The following CABP1 variants were observed in gnomAD, a reference collection of about 807,000 sequenced individuals.
CABP1 encodes the protein calcium binding protein 1.
Under a neutral mutation model 34.3 loss-of-function variants are expected in CABP1, and 17 were observed. The ratio of observed to expected loss-of-function variants is 0.50; its 90% CI spans 0.34 to 0.74. CABP1 has a LOEUF of 0.74. Ranked by LOEUF, CABP1 falls within the 30% of genes least tolerant of loss-of-function variation. The pLI, the probability that CABP1 is intolerant of heterozygous loss-of-function variation, is 0.01. For synonymous variants in CABP1, 198 were observed against 229.2 expected, an observed-to-expected ratio of 0.86 and a Z score of 1.23; for missense variants, 373 against 511.1, an observed-to-expected ratio of 0.73 and a Z score of 2.61.
intron 1 of CABP1, among the ~76,000 whole-genome samples, chr12:120,657,296 G>T (rs895673570): frequency 1.3e-5 from 2 of 152,186 alleles, no homozygotes; most frequent in Non-Finnish European, 2.9e-5. Flanking sequence ...TGTTATAGAG[G>T]TAAACATTTG....
At chr12:120,672,903 G>A in the CABP1 span, among the ~76,000 whole-genome samples, 4 of 152,030 alleles carry the variant, frequency 2.6e-5, no homozygotes, top group Non-Finnish European at 2.9e-5. Flanking sequence ...GGTGGTGTGC[G>A]CCTGCAATCT....
intron 1 of CABP1, among the ~76,000 whole-genome samples, chr12:120,645,291 G>T (rs1056691219): frequency 2.0e-5 from 3 of 152,198 alleles, no homozygotes; most frequent in African/African-American, 7.2e-5. Context: ...TGGGGAGAGG[G>T]AAAGTGAGGG....
rs918517605 is a variant in CABP1, at chr12:120,655,844, T to C, written c.655-4034T>C. ...GTGCGTGCGTGCGTGTGTGTGTGTG[T>C]GTGTGTGCGCATGTGCCACACAGAG... On this transcript the variant is annotated intron_variant, in intron 1 of 5. Coordinates refer to ENST00000316803, the MANE Select transcript of CABP1 (RefSeq NM_001033677.2). The C allele has an allele frequency of 9.1e-6, 14 of 1,531,952 alleles. No individual in the cohort carries two copies. The African/African-American group carries it at 1.9e-4, about 21-fold the overall frequency. The allele number at this position is 1,531,952 out of a possible 1,614,324, so 94.9% of individuals were successfully genotyped here.
intron 5 of CABP1, among the ~76,000 whole-genome samples, chr12:120,662,994 T>C (rs116360474): frequency 0.011 from 1,615 of 152,178 alleles, 31 homozygotes; most frequent in African/African-American, 0.037. Flanking sequence ...CTATCCTGTT[T>C]TTTACTTGGG....
chr12:120,653,859 C>G (rs932103772), intron 1 of CABP1, among the ~76,000 whole-genome samples: 1 of 152,160 alleles, frequency 6.6e-6, no homozygotes, highest in African/African-American at 2.4e-5. Flanking sequence ...GTGCCACCTG[C>G]TACCTCCCTG....
intron 1 of CABP1, among the ~76,000 whole-genome samples, chr12:120,657,154 A>G (rs1880281656): frequency 6.6e-6 from 1 of 152,204 alleles, no homozygotes; most frequent in African/African-American, 2.4e-5. Context: ...TAGTGCAACT[A>G]AGGAACTGAA....
rs1197789497 is a variant in CABP1, at chr12:120,641,037, C to T, written c.352C>T (p.Arg118Trp). 1 of 1,177,904 alleles carries T rather than the reference C, an allele frequency of 8.5e-7. No homozygotes were observed. 73.0% of individuals were successfully genotyped at this position (1,177,904 alleles called of 1,614,324 possible). A position where few individuals can be genotyped will look rare whatever the true frequency, so the allele number is the denominator to read the frequency against. The stretch of plus-strand genomic sequence containing the variant: ...GCAGTCGTCCGGGGACCCCAGTTCG[C>T]GGAGGCCCCTGTGCCGGCCGGCGCC... Reference protein sequence around the residue: ...TPQSSGDPSSRRPLCRPAPRE... With the variant: ...TPQSSGDPSSWRPLCRPAPRE... Residue 118 changes from arginine (R) to tryptophan (W), a missense_variant, in exon 1 of 6, where the codon CGG (arginine) becomes TGG (tryptophan). Around this residue, in one of 4 missense-constraint regions of CABP1, gnomAD observed 9 missense variants for 35.5 expected, o/e 0.25. Transcript: ENST00000316803. This position sits in a 1 kb window ranked among gnomAD's most constrained non-coding sequence, Gnocchi z 6.7.
chr12:120,659,935 G>T (rs745932393), intron 2 of CABP1, 27 bp downstream of exon 2: 1 of 1,611,362 alleles, frequency 6.2e-7, no homozygotes, highest in Non-Finnish European at 8.5e-7. Flanking sequence ...TGGGGGAAAG[G>T]ACTGCCTAGC....
chr12:120,648,605 G>C (rs1036135749), intron 1 of CABP1, among the ~76,000 whole-genome samples: 1 of 152,020 alleles, frequency 6.6e-6, no homozygotes, highest in African/African-American at 2.4e-5. Context: ...GCAGCGCTGG[G>C]CATGGTGTCT....
At chr12:120,652,802 T>C (rs1879930731) in intron 1 of CABP1, among the ~76,000 whole-genome samples, 1 of 152,168 alleles carries the variant, frequency 6.6e-6, no homozygotes, top group Admixed American at 6.5e-5. Context: ...AGAAAGCTGT[T>C]AGGTCATGAG....
At chr12:120,659,833 C>T (rs199748636) in intron 1 of CABP1, 45 bp from the exon 2 acceptor site, 5 of 1,605,636 alleles carry the variant, frequency 3.1e-6, no homozygotes, top group Non-Finnish European at 3.4e-6. Flanking sequence ...TTTGTGACTT[C>T]CAGGTCCCTT....
chr12:120,664,498 A>G (rs534562577), intron 5 of CABP1, among the ~76,000 whole-genome samples: 102 of 152,242 alleles, frequency 6.7e-4, no homozygotes, highest in Non-Finnish European at 6.9e-4. Flanking sequence ...AAACTTGGAA[A>G]CAACCAAGGT....
At chr12:120,670,050 T>C (rs1234456266), downstream of CABP1, among the ~76,000 whole-genome samples, 1 of 152,156 alleles carries the variant, frequency 6.6e-6, no homozygotes, top group Non-Finnish European at 1.5e-5. Flanking sequence ...GCACCCAGGC[T>C]GGAGTGCAGT....
rs532165627 is a variant in CABP1 at position 120,661,469 on chromosome 12, C to T, written c.1087+251C>T. The T allele has an allele frequency of 7.6e-5, 35 of 457,910 alleles. No homozygotes were observed. Among genetic ancestry groups the T allele is most frequent in the African/African-American group, 6.9e-4 (35 of 50,776 alleles). 28.4% of individuals were successfully genotyped at this position (457,910 alleles called of 1,614,324 possible). A position where few individuals can be genotyped will look rare whatever the true frequency, so the allele number is the denominator to read the frequency against. On this transcript the variant is annotated intron_variant, in intron 5 of 5. Coordinates refer to ENST00000316803, the MANE Select transcript of CABP1 (RefSeq NM_001033677.2). This position sits in a 1 kb window ranked among gnomAD's most constrained non-coding sequence, Gnocchi z 5.1. The stretch of plus-strand genomic sequence containing the variant: ...CCATTCATCTGTCCATTTATCCATC[C>T]ATTCATCTACCTATCTATCCATCTG...
chr12:120,680,410 C>G, the CABP1 span, among the ~76,000 whole-genome samples: 1 of 152,166 alleles, frequency 6.6e-6, no homozygotes, highest in South Asian at 2.1e-4. Context: ...GTTCCTGTTA[C>G]TCTAACGAGG....
At position 120,667,033 on chromosome 12, in the gene CABP1, A is replaced by T; in HGVS notation, c.*133A>T. ...GATGGGGCCTGCCTGCACCCCGGGGAGGCGCCCACCCCGGACCCCCACCCC... is the reference window on the plus strand; with the variant it reads ...GATGGGGCCTGCCTGCACCCCGGGGTGGCGCCCACCCCGGACCCCCACCCC... On this transcript the variant is annotated 3_prime_UTR_variant, in exon 6 of 6. Transcript: ENST00000316803. The T allele has an allele frequency of 9.1e-7, 1 of 1,099,198 alleles. No individual in the cohort carries two copies. Among genetic ancestry groups the T allele is most frequent in the Non-Finnish European group, 1.3e-6 (1 of 755,420 alleles). 68.1% of individuals were successfully genotyped at this position (1,099,198 alleles called of 1,614,324 possible).
chr12:120,660,147 C>A lies in CABP1; in HGVS notation c.686-49C>A. ...TTTGGGCTGCCTTTGCCCACAGAGG[C>A]TCTGCGGGTCCTACCCCTGACCACA... On this transcript the variant is annotated intron_variant, in intron 2 of 5. Coordinates refer to ENST00000316803, the MANE Select transcript of CABP1 (RefSeq NM_001033677.2). This position sits in a 1 kb window ranked among gnomAD's most constrained non-coding sequence, Gnocchi z 5.0. 6.2e-7 allele frequency: 1 copy of A among 1,607,568 alleles called. No individual in the cohort carries two copies. Among genetic ancestry groups the A allele is most frequent in the South Asian group, 1.1e-5 (1 of 90,220 alleles).
Position 120,640,829 on chromosome 12 carries a change from G to C in CABP1, c.144G>C (p.Pro48=). The C allele has an allele frequency of 9.3e-7, 1 of 1,079,276 alleles. No individual in the cohort carries two copies. Among genetic ancestry groups the C allele is most frequent in the Non-Finnish European group, 1.1e-6 (1 of 892,324 alleles). The allele number at this position is 1,079,276 out of a possible 1,614,324, so 66.9% of individuals were successfully genotyped here. The change falls in exon 1 of 6, where the codon CCG becomes CCC. Residue 48 remains proline, a synonymous_variant. Coordinates refer to ENST00000316803, the MANE Select transcript of CABP1 (RefSeq NM_001033677.2). This position sits in a 1 kb window ranked among gnomAD's most constrained non-coding sequence, Gnocchi z 6.2. ...CGCGCCGCACCGCGCCGCCCCCGCC[G>C]GGCCATGCGAGCGCGGGCCCCGCCG... The part of the protein sequence containing the change: ...PAPRRTAPPP[P]GHASAGPAAM...
rs781126961 is a variant in CABP1 at position 120,641,734 on chromosome 12, A to G, written c.654+395A>G. 6.1e-5 allele frequency: 11 copies of G among 181,240 alleles called. No individual in the cohort carries two copies. The highest frequency in any genetic ancestry group is 1.1e-4 in the Non-Finnish European group (10 of 87,738). The allele number at this position is 181,240 out of a possible 1,614,324, so 11.2% of individuals were successfully genotyped here. On this transcript the variant is annotated intron_variant, in intron 1 of 5. Transcript: ENST00000316803. This position sits in a 1 kb window ranked among gnomAD's most constrained non-coding sequence, Gnocchi z 6.7. ...GTACCGCCAGGGAGGGACTCAGGAG[A>G]GCAAGCGGTTTGGAGTCTGGGGGTC...
Sources: gnomAD v4.1 joint callset for allele counts (sites outside exome capture counted in the v4.1 genomes callset) on GRCh38, gnomAD v4.1.1 for gene constraint, gnomAD v4.1.1 regional missense constraint, Gnocchi (gnomAD v3.1) non-coding constraint, MANE v1.5 for transcripts, NCBI Gene and HGNC (gene_info 2026-07-23, HGNC 2026-07-21) for gene names.